Variants in AMY2B observed in about 807,000 individuals in gnomAD.
AMY2B encodes the protein amylase alpha 2B, also known as alpha-amylase 2B.
AMY2B carries 63 observed loss-of-function variants against 59.3 expected under a neutral mutation model. The observed-to-expected ratio is 1.06, with a 90% CI of 0.87 to 1.31. AMY2B has a LOEUF of 1.31. Ranked by LOEUF, AMY2B falls within the 50% of genes most tolerant of loss-of-function variation. AMY2B has a pLI of 0.00. For synonymous variants in AMY2B, 180 were observed against 198.1 expected (o/e 0.91, Z 0.77); for missense variants, 635 against 626.7 (o/e 1.01, Z -0.14).
upstream of AMY2B, chr1:103,569,734 C>T (rs943054559): frequency 2.5e-6 from 1 of 408,100 alleles, no homozygotes; most frequent in Non-Finnish European, 4.9e-6. Context: ...TGAGAGCAAG[C>T]ACAGTATCCT....
At chr1:103,570,194 A>G (rs1053897945), upstream of AMY2B, 9 of 489,068 alleles carry the variant, frequency 1.8e-5, no homozygotes, top group African/African-American at 1.4e-4. Context: ...GTCAAGGAGA[A>G]ACTGTGCTAT....
upstream of AMY2B, chr1:103,571,461 T>G (rs1409480954): frequency 6.7e-7 from 1 of 1,490,288 alleles, no homozygotes; most frequent in East Asian, 2.3e-5. Context: ...CCTGTTAGGA[T>G]TATTATTGAT....
chr1:103,576,581 T>G (rs1247727253), intron 7 of AMY2B, among the ~76,000 whole-genome samples: 3 of 152,122 alleles, frequency 2.0e-5, no homozygotes, highest in Admixed American at 1.3e-4. Context: ...TTACTCTGGT[T>G]TTTTTAATTA....
At chr1:103,573,357 G>C in intron 3 of AMY2B, 97 bp downstream of exon 3, 1 of 1,583,666 alleles carries the variant, frequency 6.3e-7, no homozygotes. Flanking sequence ...TACGAATTTA[G>C]ATCTCTTAGG....
At chr1:103,572,346 C>A in intron 2 of AMY2B, 90 bp downstream of exon 2, 2 of 1,531,696 alleles carry the variant, frequency 1.3e-6, no homozygotes, top group Admixed American at 2.2e-5. Context: ...GAAAGTTTTC[C>A]ATATTTTATT....
rs774923793 is a variant in AMY2B, at chr1:103,573,107, T to C, written c.360T>C (p.Asn120=). ...CTGTAATTAATCATATGTCTGGTAA[T>C]GCTGTGAGTGCAGGAACAAGCAGTA... ...VDAVINHMSG[N]AVSAGTSSTC... The change falls in exon 3 of 10, where the codon AAT becomes AAC. Residue 120 remains asparagine (N), a synonymous_variant. Coordinates refer to ENST00000684275, the MANE Select transcript of AMY2B (RefSeq NM_001387437.1). The C allele has an allele frequency of 6.2e-6, 10 of 1,613,648 alleles. No homozygotes were observed. The highest frequency in any genetic ancestry group is 1.3e-5 in the African/African-American group (1 of 74,920).
At chr1:103,575,587 G>A in intron 7 of AMY2B, 47 bp downstream of exon 7, 1 of 1,606,300 alleles carries the variant, frequency 6.2e-7, no homozygotes. Flanking sequence ...AGAAACAGAA[G>A]GCAATCTTGT....
upstream of AMY2B, among the ~76,000 whole-genome samples, chr1:103,567,428 A>G (rs1651946473): frequency 6.6e-6 from 1 of 152,164 alleles, no homozygotes; most frequent in Admixed American, 6.6e-5. Context: ...GTACTTCCTC[A>G]TTTTGTCTCA....
At chr1:103,575,987 G>A (rs1417881338) in intron 7 of AMY2B, among the ~76,000 whole-genome samples, 1 of 152,140 alleles carries the variant, frequency 6.6e-6, no homozygotes, top group Non-Finnish European at 1.5e-5. Context: ...TGATTCAGTT[G>A]AGCTGAGTTA....
At chr1:103,555,879 A>G (rs551366899) in intron 1 of AMY2B, among the ~76,000 whole-genome samples, 2 of 152,184 alleles carry the variant, frequency 1.3e-5, no homozygotes, top group Non-Finnish European at 2.9e-5. Flanking sequence ...GATTCAGTAG[A>G]GAGAAAAAAC....
At chr1:103,577,355 T>A (rs1436619010) in intron 7 of AMY2B, 135 bp from the exon 8 acceptor site, 8 of 1,495,924 alleles carry the variant, frequency 5.3e-6, no homozygotes, top group Admixed American at 1.9e-5. Flanking sequence ...ATAAAAATTA[T>A]TGAAGGCATT....
upstream of AMY2B, chr1:103,568,434 G>C (rs1251767689): frequency 3.3e-5 from 5 of 152,192 alleles, no homozygotes; most frequent in Non-Finnish European, 7.3e-5. Context: ...ACTATATTAA[G>C]CACATGAGTT....
chr1:103,566,813 A>G (rs920963006), upstream of AMY2B, among the ~76,000 whole-genome samples: 3 of 152,188 alleles, frequency 2.0e-5, no homozygotes, highest in Non-Finnish European at 4.4e-5. Flanking sequence ...ATTAGAGTCA[A>G]GTTTATTGCA....
At chr1:103,569,668 C>A (rs2101069546), upstream of AMY2B, 1 of 387,344 alleles carries the variant, frequency 2.6e-6, no homozygotes. Flanking sequence ...GTGCCCCCGG[C>A]ACCAGGGCAT....
upstream of AMY2B, chr1:103,571,461 T>C: frequency 6.7e-7 from 1 of 1,490,406 alleles, no homozygotes; most frequent in Non-Finnish European, 9.1e-7. Context: ...CCTGTTAGGA[T>C]TATTATTGAT....
chr1:103,572,776 A>T (rs75966519), intron 2 of AMY2B, among the ~76,000 whole-genome samples: 20,975 of 151,894 alleles, frequency 0.14, 1,795 homozygotes, highest in East Asian at 0.24. Context: ...GTCTCATCTG[A>T]GTTTTGTCTC....
intron 1 of AMY2B, among the ~76,000 whole-genome samples, chr1:103,564,551 C>T (rs1174615296): frequency 1.3e-5 from 2 of 152,064 alleles, no homozygotes; most frequent in African/African-American, 4.8e-5. Context: ...TCCCTGTACC[C>T]CATCATTTAT....
At chr1:103,576,195 TA>T (rs1296605953) in intron 7 of AMY2B, among the ~76,000 whole-genome samples, 23 of 152,170 alleles carry the variant, frequency 1.5e-4, no homozygotes, top group African/African-American at 5.3e-4. Context: ...AGGTTTTCTT[TA>T]AACTAAAGGG....
chr1:103,558,364 T>TA (rs1651623580), intron 1 of AMY2B, among the ~76,000 whole-genome samples: 1 of 152,194 alleles, frequency 6.6e-6, no homozygotes. Flanking sequence ...TCCTGATTGA[T>TA]ACAGCCACAA....
Sources: allele counts gnomAD v4.1 joint callset (sites outside exome capture counted in the v4.1 genomes callset), GRCh38; gene constraint gnomAD v4.1.1; transcripts MANE v1.5; gene names NCBI Gene and HGNC (gene_info 2026-07-23, HGNC 2026-07-21).